Variants in SV2C observed in about 807,000 individuals in gnomAD.
SV2C encodes solute carrier family 22 member B3.
Under a neutral mutation model 79.7 loss-of-function variants are expected in SV2C, and 49 were observed. The ratio of observed to expected loss-of-function variants is 0.61; its 90% CI spans 0.49 to 0.78. SV2C has a LOEUF of 0.78. Ranked by LOEUF, SV2C falls within the 30% of genes least tolerant of loss-of-function variation. The pLI, the probability that SV2C is intolerant of heterozygous loss-of-function variation, is 0.00. For missense variants in SV2C, 833 were observed against 912.9 expected, an observed-to-expected ratio of 0.91 and a Z score of 1.13; for synonymous variants, 334 against 333.2, an observed-to-expected ratio of 1.00 and a Z score of -0.03.
intron 2 of SV2C, among the ~76,000 whole-genome samples, chr5:76,174,916 C>T (rs1743475367): frequency 6.6e-6 from 1 of 152,246 alleles, no homozygotes; most frequent in Non-Finnish European, 1.5e-5. Flanking sequence ...ACCCTGTTTA[C>T]TGCTGTTGCT....
intron 12 of SV2C, among the ~76,000 whole-genome samples, chr5:76,342,223 A>T (rs990446234): frequency 6.6e-6 from 1 of 152,198 alleles, no homozygotes; most frequent in Non-Finnish European, 1.5e-5. Context: ...CAGACCTGAC[A>T]CAACTCGTCA....
At chr5:76,347,895 C>T (rs1291465826) in intron 12 of SV2C, among the ~76,000 whole-genome samples, 1 of 152,162 alleles carries the variant, frequency 6.6e-6, no homozygotes, top group Admixed American at 6.5e-5. Flanking sequence ...GTAATTGTTA[C>T]AACTGATGAC....
chr5:76,180,036 G>A (rs751562414), intron 2 of SV2C, among the ~76,000 whole-genome samples: 2 of 152,176 alleles, frequency 1.3e-5, no homozygotes, highest in African/African-American at 2.4e-5. Context: ...AGCACTGTGT[G>A]ATCTTTGAGT....
At chr5:75,894,055 A>C in the SV2C span, among the ~76,000 whole-genome samples, 1 of 152,050 alleles carries the variant, frequency 6.6e-6, no homozygotes, top group Non-Finnish European at 1.5e-5. Flanking sequence ...ATGGGAAACC[A>C]TTGTAGGTTT....
the SV2C span, among the ~76,000 whole-genome samples, chr5:76,009,997 T>G: frequency 1.4e-3 from 74 of 51,286 alleles, no homozygotes; most frequent in African/African-American, 2.3e-3. Flanking sequence ...TTTTGTTTTT[T>G]TTTTTTTTTT....
chr5:75,854,672 C>T, the SV2C span, among the ~76,000 whole-genome samples: 7 of 152,202 alleles, frequency 4.6e-5, no homozygotes, highest in South Asian at 4.1e-4. Flanking sequence ...TGTTTTTTAA[C>T]ATTTTCATAA....
chr5:76,323,470 C>G (rs1279055606), intron 12 of SV2C, among the ~76,000 whole-genome samples: 1 of 152,242 alleles, frequency 6.6e-6, no homozygotes, highest in Non-Finnish European at 1.5e-5. Context: ...CTGTGGAAGA[C>G]AGTACAGCGA....
chr5:75,852,668 T>C, the SV2C span, among the ~76,000 whole-genome samples: 38 of 151,600 alleles, frequency 2.5e-4, 1 homozygote, highest in Admixed American at 1.8e-3. Flanking sequence ...TACTAAAAAA[T>C]ATAAAAAATT....
chr5:76,342,598 G>A (rs757625555), intron 12 of SV2C, among the ~76,000 whole-genome samples: 1 of 152,202 alleles, frequency 6.6e-6, no homozygotes, highest in Non-Finnish European at 1.5e-5. Flanking sequence ...TAAAGGTGGA[G>A]CAGCACTGCC....
At chr5:75,862,606 G>GA in the SV2C span, among the ~76,000 whole-genome samples, 2 of 152,058 alleles carry the variant, frequency 1.3e-5, no homozygotes, top group African/African-American at 2.4e-5. Context: ...ACTTCACGAG[G>GA]AAAAAAATCT....
At chr5:76,297,456 C>T (rs926934136) in intron 9 of SV2C, among the ~76,000 whole-genome samples, 1 of 152,118 alleles carries the variant, frequency 6.6e-6, no homozygotes, top group Non-Finnish European at 1.5e-5. Context: ...CATTTTCAAC[C>T]TTTCGAATTG....
rs1743699700 is a variant in SV2C, at chr5:76,180,913, G to T, written c.581-14006G>T. On this transcript the variant is annotated intron_variant, in intron 2 of 12. Transcript: ENST00000502798. Reference sequence around the variant, plus strand: ...CGTCTAAATGTCACCATCCTCAAGGGTTGACTCTTTCACTTCTTCTTGGCC... The same window carrying T: ...CGTCTAAATGTCACCATCCTCAAGGTTTGACTCTTTCACTTCTTCTTGGCC... Among the ~76,000 whole-genome samples, 3 of 152,068 alleles carry T rather than the reference G, an allele frequency of 2.0e-5. No individual in the cohort carries two copies. In the South Asian group the frequency reaches 6.2e-4, roughly 31 times the overall value.
chr5:76,112,975 C>T (rs765298620), intron 1 of SV2C, among the ~76,000 whole-genome samples: 1 of 152,190 alleles, frequency 6.6e-6, no homozygotes, highest in Non-Finnish European at 1.5e-5. Flanking sequence ...AGTTACAGTA[C>T]TGGCCCAGAG....
intron 4 of SV2C, among the ~76,000 whole-genome samples, chr5:76,252,379 C>T (rs1018809648): frequency 6.6e-6 from 1 of 152,224 alleles, no homozygotes. Flanking sequence ...GCCTTGGCCT[C>T]CCAAAGTGCT....
At position 76,326,721 on chromosome 5, in the gene SV2C, C is replaced by G. The variant is rs1749008198; in HGVS notation, c.*1174C>G. The G allele has an allele frequency of 2.6e-5, 4 of 152,514 alleles. No individual in the cohort carries two copies. Among genetic ancestry groups the G allele is most frequent in the African/African-American group, 9.6e-5 (4 of 41,464 alleles). 9.4% of individuals were successfully genotyped at this position (152,514 alleles called of 1,614,324 possible). On this transcript the variant is annotated 3_prime_UTR_variant, in exon 13 of 13. Coordinates refer to ENST00000502798, the MANE Select transcript of SV2C (RefSeq NM_014979.4). ...TGTAAAATCACAGCCCGCCTGCACT[C>G]CTGAGGGCCCCTCTCACAGACAGAC...
At chr5:76,164,465 G>T (rs1310261928) in intron 2 of SV2C, among the ~76,000 whole-genome samples, 1 of 152,210 alleles carries the variant, frequency 6.6e-6, no homozygotes, top group African/African-American at 2.4e-5. Flanking sequence ...CAAAGGAAAA[G>T]TCAGCTAGAT....
intron 12 of SV2C, among the ~76,000 whole-genome samples, chr5:76,321,576 C>CA (rs1322686408): frequency 6.6e-6 from 1 of 151,572 alleles, no homozygotes; most frequent in Non-Finnish European, 1.5e-5. Flanking sequence ...CCCATCTCTA[C>CA]AAAAAAATAC....
At chr5:76,248,623 ATTTT>A (rs369098544) in intron 4 of SV2C, among the ~76,000 whole-genome samples, 1 of 143,368 alleles carries the variant, frequency 7.0e-6, no homozygotes, top group Non-Finnish European at 1.5e-5. Context: ...GTGCTCAGTG[ATTTT>A]TTTTTTTTTT....
At chr5:76,299,106 T>C (rs1239620496) in intron 10 of SV2C, among the ~76,000 whole-genome samples, 179 bp downstream of exon 10, 2 of 152,210 alleles carry the variant, frequency 1.3e-5, no homozygotes, top group Non-Finnish European at 2.9e-5. Context: ...CTTTGTCAGA[T>C]TTAGTGCAAA....
Sources: allele counts gnomAD v4.1 joint callset (sites outside exome capture counted in the v4.1 genomes callset), GRCh38; gene constraint gnomAD v4.1.1; transcripts MANE v1.5; gene names NCBI Gene and HGNC (gene_info 2026-07-23, HGNC 2026-07-21).